Variants in HIF1A observed in about 807,000 individuals in gnomAD.
HIF1A encodes the protein hypoxia inducible factor 1 subunit alpha, also known as hypoxia-inducible factor 1-alpha.
HIF1A carries 24 observed loss-of-function variants against 92.7 expected under a neutral mutation model. That is an observed-to-expected ratio of 0.26 (90% CI 0.19 to 0.36). The LOEUF is 0.36. HIF1A is among the 10% of genes least tolerant of loss of function. HIF1A has a pLI of 1.00. For missense variants in HIF1A, 799 were observed against 998.5 expected, an observed-to-expected ratio of 0.80 and a Z score of 2.69; for synonymous variants, 319 against 338.7, an observed-to-expected ratio of 0.94 and a Z score of 0.64.
At chr14:61,698,024 A>G (rs2044135990) in intron 1 of HIF1A, 5 of 753,946 alleles carry the variant, frequency 6.6e-6, no homozygotes, top group Non-Finnish European at 9.7e-6. Context: ...GGCTGAACTT[A>G]TTTAATAGCA....
At chr14:61,719,280 AG>A (rs1478988699) in intron 1 of HIF1A, among the ~76,000 whole-genome samples, 1 of 152,218 alleles carries the variant, frequency 6.6e-6, no homozygotes, top group African/African-American at 2.4e-5. Context: ...GAGTGAGTTG[AG>A]GGGCATAGGA....
At chr14:61,736,611 G>C (rs2044641159) in intron 8 of HIF1A, among the ~76,000 whole-genome samples, 1 of 152,130 alleles carries the variant, frequency 6.6e-6, no homozygotes, top group Non-Finnish European at 1.5e-5. Flanking sequence ...ATCTCACTTA[G>C]GATAATGGTC....
At chr14:61,703,634 A>C (rs913342108) in intron 1 of HIF1A, among the ~76,000 whole-genome samples, 2 of 151,754 alleles carry the variant, frequency 1.3e-5, no homozygotes, top group Non-Finnish European at 2.9e-5. Flanking sequence ...AAAAAAAAAA[A>C]GTAAAAAAAA....
At chr14:61,710,786 C>T (rs1009263106) in intron 1 of HIF1A, among the ~76,000 whole-genome samples, 6 of 151,956 alleles carry the variant, frequency 3.9e-5, no homozygotes, top group South Asian at 2.1e-4. Context: ...GCTGGCCAGG[C>T]GCGGTGGCTC....
At chr14:61,738,065 G>A (rs762684012) in intron 9 of HIF1A, 22 bp from the exon 10 acceptor site, 3 of 1,544,286 alleles carry the variant, frequency 1.9e-6, no homozygotes, top group South Asian at 2.5e-5. Context: ...ACTTTAGATT[G>A]ACTCATATTT....
chr14:61,732,794 A>G (rs886883255), intron 7 of HIF1A, among the ~76,000 whole-genome samples: 7 of 152,272 alleles, frequency 4.6e-5, no homozygotes, highest in African/African-American at 1.7e-4. Context: ...ATTGAATAGC[A>G]TAATTTTCAG....
chr14:61,695,889 G>T (rs937663010), intron 1 of HIF1A, 50 bp downstream of exon 1: 1 of 1,527,672 alleles, frequency 6.5e-7, no homozygotes, highest in Admixed American at 2.0e-5. Flanking sequence ...GACCCCGCCC[G>T]CCTGCCCGCC....
At position 61,740,744 on chromosome 14, in the gene HIF1A, CT is replaced by C; in HGVS notation, c.1660-10del. On this transcript the variant is annotated splice_polypyrimidine_tract_variant and intron_variant, in intron 11 of 14. Coordinates refer to ENST00000337138, the MANE Select transcript of HIF1A (RefSeq NM_001530.4). ...GCCATTGTAAAAACTCATGTATTTG[CT>C]GTTTTAAAGGACACAGATTTAGACT... The C allele has an allele frequency of 6.3e-7, 1 of 1,594,180 alleles. No homozygotes were observed. The highest frequency in any genetic ancestry group is 8.5e-7 in the Non-Finnish European group (1 of 1,170,426).
At chr14:61,732,115 GA>G (rs1183787164) in intron 6 of HIF1A, among the ~76,000 whole-genome samples, 1 of 152,180 alleles carries the variant, frequency 6.6e-6, no homozygotes, top group Non-Finnish European at 1.5e-5. Context: ...TCTCCAGCCT[GA>G]GCAACACGAG....
chr14:61,722,839 G>A (rs2044450399), intron 4 of HIF1A, among the ~76,000 whole-genome samples: 1 of 152,132 alleles, frequency 6.6e-6, no homozygotes, highest in Non-Finnish European at 1.5e-5. Context: ...AGTGTTCCAA[G>A]ATTTTTTGGA....
At chr14:61,715,425 C>T (rs549431056) in intron 1 of HIF1A, 2 of 152,270 alleles carry the variant, frequency 1.3e-5, no homozygotes, top group African/African-American at 4.8e-5. Context: ...AGGCAAATTT[C>T]GAACTTTATA....
chr14:61,740,458 T>C, intron 10 of HIF1A, 47 bp from the exon 11 acceptor site: 1 of 1,434,036 alleles, frequency 7.0e-7, no homozygotes. Flanking sequence ...ACTAGCAAAG[T>C]ATATGGAAGC....
At chr14:61,705,969 T>G (rs1359638642) in intron 1 of HIF1A, among the ~76,000 whole-genome samples, 3 of 152,150 alleles carry the variant, frequency 2.0e-5, no homozygotes, top group Admixed American at 2.0e-4. Flanking sequence ...TTTTTTCCTG[T>G]TATGTAAGTA....
intron 1 of HIF1A, among the ~76,000 whole-genome samples, chr14:61,709,705 ATC>A (rs2044284802): frequency 6.6e-6 from 1 of 152,202 alleles, no homozygotes; most frequent in Non-Finnish European, 1.5e-5. Flanking sequence ...AAACCATTTC[ATC>A]TGTTTTTTTG....
Position 61,740,878 on chromosome 14 carries a change from C to G in HIF1A, c.1783C>G (p.Pro595Ala). ...SSSASPESAS[P>A]QSTVTVFQQT... ...TTCCGCAAGCCCTGAAAGCGCAAGT[C>G]CTCAAAGCACAGTTACAGTATTCCA... Residue 595 changes from proline (P) to alanine (A), a missense_variant, in exon 12 of 15, where the codon CCT (proline) becomes GCT (alanine). Transcript: ENST00000337138. 7 of 1,614,148 alleles carry G rather than the reference C, an allele frequency of 4.3e-6. No homozygotes were observed. Among genetic ancestry groups the G allele is most frequent in the Non-Finnish European group, 5.9e-6 (7 of 1,180,030 alleles).
chr14:61,721,428 C>T, intron 2 of HIF1A, 81 bp from the exon 3 acceptor site: 1 of 1,247,052 alleles, frequency 8.0e-7, no homozygotes, highest in Non-Finnish European at 1.1e-6. Context: ...TGCGAGAAAA[C>T]TTTGTAAAAA....
At chr14:61,714,180 A>G (rs190867041) in intron 1 of HIF1A, among the ~76,000 whole-genome samples, 1 of 152,320 alleles carries the variant, frequency 6.6e-6, no homozygotes, top group African/African-American at 2.4e-5. Flanking sequence ...ACCAAATTGA[A>G]TGTTTGCTGG....
chr14:61,712,234 C>T (rs1447897914), intron 1 of HIF1A, among the ~76,000 whole-genome samples: 2 of 151,998 alleles, frequency 1.3e-5, no homozygotes, highest in Non-Finnish European at 2.9e-5. Flanking sequence ...TAGCAGTAGT[C>T]CAGGCAAGGG....
chr14:61,699,702 C>G (rs777214231), intron 1 of HIF1A, among the ~76,000 whole-genome samples: 38 of 152,024 alleles, frequency 2.5e-4, no homozygotes, highest in Non-Finnish European at 5.4e-4. Flanking sequence ...AGTTTCCAAT[C>G]AAGAAATTGA....
Sources: gnomAD v4.1 joint callset for allele counts (sites outside exome capture counted in the v4.1 genomes callset) on GRCh38, gnomAD v4.1.1 for gene constraint, MANE v1.5 for transcripts, NCBI Gene and HGNC (gene_info 2026-07-23, HGNC 2026-07-21) for gene names.